The following NRG1 variants were observed in gnomAD, a reference collection of about 807,000 sequenced individuals.
The protein encoded by NRG1 is pro-neuregulin-1, membrane-bound isoform.
NRG1 carries 18 observed loss-of-function variants against 63.8 expected under a neutral mutation model. That is an observed-to-expected ratio of 0.28 (90% CI 0.19 to 0.42). NRG1 has a LOEUF of 0.42. Among genes scored for constraint, NRG1 ranks in the 10% least tolerant of loss-of-function variants. The probability of loss-of-function intolerance (pLI) is 1.00; values close to 1 mark genes in which losing one functional copy is unlikely to be tolerated. For synonymous variants in NRG1, 302 were observed against 301.3 expected (o/e 1.00, Z -0.02); for missense variants, 762 against 814.7 (o/e 0.94, Z 0.79).
intron 1 of NRG1, among the ~76,000 whole-genome samples, chr8:32,157,358 C>CA (rs11434397): frequency 0.21 from 12,298 of 57,720 alleles, 1,809 homozygotes; most frequent in African/African-American, 0.42. Context: ...GACTCTGTCT[C>CA]AAAAAAAAAA....
At chr8:32,575,146 C>A (rs1388863506) in intron 1 of NRG1, among the ~76,000 whole-genome samples, 1 of 152,202 alleles carries the variant, frequency 6.6e-6, no homozygotes, top group Admixed American at 6.5e-5. Context: ...CCAGGTTTCA[C>A]AATTGACCTT....
chr8:31,925,547 A>G (rs1834291543), intron 1 of NRG1, among the ~76,000 whole-genome samples: 1 of 151,984 alleles, frequency 6.6e-6, no homozygotes, highest in African/African-American at 2.4e-5. Flanking sequence ...GATATACTCA[A>G]ATATTTCTTT....
At chr8:31,677,329 T>G (rs940638643) in intron 1 of NRG1, among the ~76,000 whole-genome samples, 4 of 152,178 alleles carry the variant, frequency 2.6e-5, no homozygotes, top group South Asian at 2.1e-4. Context: ...TTTCAAGTGT[T>G]TTTTATCTAT....
At position 31,644,628 on chromosome 8, in the gene NRG1, A is replaced by G. The variant is rs144967733; in HGVS notation, c.37+5197A>G. The stretch of plus-strand genomic sequence containing the variant: ...TATTTATAGCAAATGAGAGCAAAAG[A>G]TGTGATTGGGCGGGTTATTGCCCTT... On this transcript the variant is annotated intron_variant, in intron 1 of 10. Coordinates refer to the NRG1 transcript ENST00000519301. Among the ~76,000 whole-genome samples, 253 of 152,232 alleles carry G rather than the reference A, an allele frequency of 1.7e-3. 1 individual carries two copies. The highest frequency in any genetic ancestry group is 0.014 in the Middle Eastern group (4 of 294).
intron 1 of NRG1, among the ~76,000 whole-genome samples, chr8:32,220,147 A>ATT (rs58299349): frequency 6.7e-6 from 1 of 150,106 alleles, no homozygotes; most frequent in African/African-American, 2.4e-5. Flanking sequence ...AACACATCAT[A>ATT]TTTTTTTTTT....
intron 1 of NRG1, among the ~76,000 whole-genome samples, chr8:31,851,559 T>C (rs1018311552): frequency 4.6e-5 from 7 of 152,292 alleles, no homozygotes; most frequent in African/African-American, 1.7e-4. Context: ...GTTTTTGCAT[T>C]GTTGAAATTT....
chr8:32,351,504 G>T (rs1259838391), intron 1 of NRG1, among the ~76,000 whole-genome samples: 2 of 152,132 alleles, frequency 1.3e-5, no homozygotes, highest in African/African-American at 2.4e-5. Context: ...TCTCTCCTTT[G>T]TTACTGCCTC....
intron 1 of NRG1, among the ~76,000 whole-genome samples, chr8:32,584,078 T>G (rs1464581572): frequency 2.0e-5 from 3 of 152,200 alleles, no homozygotes; most frequent in Non-Finnish European, 4.4e-5. Flanking sequence ...TCTTTCTTAT[T>G]GGGATTTCTT....
chr8:32,338,627 C>T (rs971559226), intron 1 of NRG1, among the ~76,000 whole-genome samples: 1 of 151,978 alleles, frequency 6.6e-6, no homozygotes, highest in Non-Finnish European at 1.5e-5. Context: ...AATCTTCATT[C>T]TCAATGAGCC....
At chr8:32,609,589 TC>T (rs1563760727) in intron 3 of NRG1, among the ~76,000 whole-genome samples, 4 of 133,118 alleles carry the variant, frequency 3.0e-5, no homozygotes, top group Middle Eastern at 3.5e-3. Flanking sequence ...CTTCCTTCCT[TC>T]CTTCCTTCCT....
intron 1 of NRG1, among the ~76,000 whole-genome samples, chr8:32,402,643 T>C (rs1008769164): frequency 2.8e-4 from 43 of 152,258 alleles, no homozygotes; most frequent in African/African-American, 7.7e-4. Context: ...AAGTCACCCT[T>C]ATTTTACTTC....
At chr8:32,654,967 G>C (rs1168013202) in intron 5 of NRG1, among the ~76,000 whole-genome samples, 1 of 152,030 alleles carries the variant, frequency 6.6e-6, no homozygotes, top group African/African-American at 2.4e-5. Context: ...CCCTCTTCAT[G>C]GCCTTGAGCA....
intron 1 of NRG1, among the ~76,000 whole-genome samples, chr8:31,837,733 A>G (rs1158235075): frequency 6.6e-6 from 1 of 151,938 alleles, no homozygotes; most frequent in Non-Finnish European, 1.5e-5. Flanking sequence ...ATCATGTTGT[A>G]TTTTTCTTTC....
chr8:32,119,195 T>C (rs988655325), intron 1 of NRG1, among the ~76,000 whole-genome samples: 3 of 152,134 alleles, frequency 2.0e-5, no homozygotes, highest in African/African-American at 7.2e-5. Flanking sequence ...CAATTAGCTT[T>C]CTCTGCTGTG....
intron 1 of NRG1, among the ~76,000 whole-genome samples, chr8:32,277,145 T>C (rs1852195758): frequency 6.6e-6 from 1 of 152,246 alleles, no homozygotes; most frequent in Admixed American, 6.5e-5. Context: ...GCCATTGTAA[T>C]GTATGCATGC....
chr8:32,419,409 C>T (rs1170617002), intron 1 of NRG1, among the ~76,000 whole-genome samples: 2 of 152,198 alleles, frequency 1.3e-5, no homozygotes, highest in African/African-American at 4.8e-5. Context: ...TCCACAACTA[C>T]AATGACCAGT....
intron 1 of NRG1, among the ~76,000 whole-genome samples, chr8:32,318,639 T>C (rs1801035463): frequency 6.6e-6 from 1 of 152,222 alleles, no homozygotes; most frequent in Non-Finnish European, 1.5e-5. Context: ...TACATTTATA[T>C]ATTGTTTTCA....
In NRG1 at chr8:31,740,650, T is replaced by C. The variant is rs1021288634; in HGVS notation, c.37+101219T>C. Among the ~76,000 whole-genome samples, 5 of 151,584 alleles carry C rather than the reference T, an allele frequency of 3.3e-5. No individual in the cohort carries two copies. The Admixed American group carries it at 3.3e-4, about 10-fold the overall frequency. ...AAGGTAACTTGGAATTCGATGTGTG[T>C]GTATGTACCTGTGTGAGTGCATGTG... On this transcript the variant is annotated intron_variant, in intron 1 of 10. Transcript: ENST00000519301.
chr8:31,866,518 CAG>C (rs753858806), intron 1 of NRG1, among the ~76,000 whole-genome samples: 23 of 152,218 alleles, frequency 1.5e-4, no homozygotes, highest in Non-Finnish European at 2.2e-4. Flanking sequence ...GAAAGAGAAA[CAG>C]AGACTCAGGA....
Sources: gnomAD v4.1 joint callset for allele counts (sites outside exome capture counted in the v4.1 genomes callset) on GRCh38, gnomAD v4.1.1 for gene constraint, MANE v1.5 for transcripts, NCBI Gene and HGNC (gene_info 2026-07-23, HGNC 2026-07-21) for gene names.